DOCK3: variants seen among roughly 807,000 people sequenced by gnomAD.
The protein encoded by DOCK3 is dedicator of cytokinesis 3.
A neutral mutation model predicts 265.6 loss-of-function variants in DOCK3; 60 were observed. That is an observed-to-expected ratio of 0.23 (90% CI 0.18 to 0.28). The LOEUF is 0.28. DOCK3 is among the 10% of genes least tolerant of loss of function. The probability of loss-of-function intolerance (pLI) is 1.00; values close to 1 mark genes in which losing one functional copy is unlikely to be tolerated. For missense variants in DOCK3, 1,981 were observed against 2,594.3 expected (o/e 0.76, Z 5.14); for synonymous variants, 881 against 938.0 (o/e 0.94, Z 1.11).
In DOCK3 at chr3:50,675,231, C is replaced by G; in HGVS notation, c.-33C>G. On this transcript the variant is annotated 5_prime_UTR_variant, in exon 1 of 53. Transcript: ENST00000266037. The surrounding 1 kb of genome is among the most constrained non-coding windows in gnomAD (Gnocchi z 6.1). Reference sequence around the variant, plus strand: ...CGTCCCCGCCGCGTTGTCGCCCGGTCGCCGCGCCCGCGGGGCCGCGCCCGG... The same window carrying G: ...CGTCCCCGCCGCGTTGTCGCCCGGTGGCCGCGCCCGCGGGGCCGCGCCCGG... The G allele has an allele frequency of 8.7e-7, 1 of 1,153,208 alleles. No individual in the cohort carries two copies. The highest frequency in any genetic ancestry group is 4.9e-5 in the Admixed American group (1 of 20,258). The allele number at this position is 1,153,208 out of a possible 1,614,324, so 71.4% of individuals were successfully genotyped here.
chr3:51,200,744 G>A (rs1169380441), intron 12 of DOCK3, among the ~76,000 whole-genome samples: 1 of 152,012 alleles, frequency 6.6e-6, no homozygotes, highest in East Asian at 1.9e-4. Flanking sequence ...AAGTTGAAAT[G>A]AAGGAAAAAA....
chr3:51,380,282 T>G (rs1577001510), intron 52 of DOCK3, 75 bp downstream of exon 52: 1 of 1,383,778 alleles, frequency 7.2e-7, no homozygotes, highest in Non-Finnish European at 9.9e-7. Context: ...ACCCTTGGGG[T>G]CTACAGGAGG....
intron 5 of DOCK3, among the ~76,000 whole-genome samples, chr3:50,964,632 G>A (rs1159089119): frequency 1.3e-5 from 2 of 152,050 alleles, no homozygotes; most frequent in African/African-American, 2.4e-5. Flanking sequence ...CTAGCTGTGC[G>A]ACAACTTCAG....
chr3:50,948,192 G>T (rs764339400), intron 5 of DOCK3, among the ~76,000 whole-genome samples: 1 of 151,160 alleles, frequency 6.6e-6, no homozygotes, highest in African/African-American at 2.4e-5. Flanking sequence ...GAGTAGCTGG[G>T]ACTACAGGCG....
chr3:50,837,653 G>A (rs898029804), intron 2 of DOCK3, among the ~76,000 whole-genome samples: 1 of 152,154 alleles, frequency 6.6e-6, no homozygotes, highest in African/African-American at 2.4e-5. Context: ...GGAAGTGGGT[G>A]CGGGAAAACT....
At chr3:50,734,601 A>ATTTT (rs1559567444) in intron 1 of DOCK3, among the ~76,000 whole-genome samples, 6 of 39,468 alleles carry the variant, frequency 1.5e-4, no homozygotes, top group South Asian at 2.1e-3. Context: ...TTTTACAGTG[A>ATTTT]GTTTTTTTTT....
intron 12 of DOCK3, among the ~76,000 whole-genome samples, chr3:51,175,250 G>A (rs1257853545): frequency 6.6e-6 from 1 of 152,168 alleles, no homozygotes; most frequent in Non-Finnish European, 1.5e-5. Flanking sequence ...AGAGGGGCTA[G>A]AGGCAGGTTA....
chr3:51,318,394 A>G (rs1025396484), intron 32 of DOCK3, among the ~76,000 whole-genome samples: 1 of 152,176 alleles, frequency 6.6e-6, no homozygotes, highest in Non-Finnish European at 1.5e-5. Context: ...AATTATATAT[A>G]TATCAAATTG....
At chr3:50,920,599 C>G (rs936272749) in intron 4 of DOCK3, among the ~76,000 whole-genome samples, 1 of 152,136 alleles carries the variant, frequency 6.6e-6, no homozygotes. Flanking sequence ...GTGTTATCCC[C>G]TTTATCATTT....
At chr3:51,125,431 C>A (rs1375227728) in intron 9 of DOCK3, among the ~76,000 whole-genome samples, 1 of 152,032 alleles carries the variant, frequency 6.6e-6, no homozygotes, top group Non-Finnish European at 1.5e-5. Context: ...CTATATTTTT[C>A]TATTTCCTCT....
rs755531254 is a variant in DOCK3 at position 50,869,342 on chromosome 3, ATTTTTTTTTTT to A, written c.163-20646_163-20636del. On this transcript the variant is annotated intron_variant, in intron 3 of 52. Coordinates refer to ENST00000266037, the MANE Select transcript of DOCK3 (RefSeq NM_004947.5). ...TCAATTTTATTTATTTCTGCTGGGA[ATTTTTTTTTTT>A]TTTTTTTTTTTTTTTTTTTTTTTTT... 2.1e-4 allele frequency among the ~76,000 whole-genome samples: 15 copies of A among 70,106 alleles called. 4 individuals are homozygous for A. The highest frequency in any genetic ancestry group is 7.3e-4 in the African/African-American group (11 of 15,142). 46.0% of individuals were successfully genotyped at this position (70,106 alleles called of 152,430 possible). A position where few individuals can be genotyped will look rare whatever the true frequency, so the allele number is the denominator to read the frequency against.
intron 3 of DOCK3, among the ~76,000 whole-genome samples, chr3:50,870,930 A>G (rs1043827900): frequency 3.3e-5 from 5 of 151,714 alleles, no homozygotes; most frequent in Admixed American, 1.3e-4. Context: ...TCAACTTTTT[A>G]TTGTTTCTTT....
At chr3:51,183,894 A>G (rs2087443125) in intron 12 of DOCK3, among the ~76,000 whole-genome samples, 1 of 152,208 alleles carries the variant, frequency 6.6e-6, no homozygotes, top group African/African-American at 2.4e-5. Flanking sequence ...TCACATACAT[A>G]CATTAGTATA....
chr3:51,053,241 T>C (rs1234715067), intron 5 of DOCK3, among the ~76,000 whole-genome samples: 1 of 149,822 alleles, frequency 6.7e-6, no homozygotes, highest in Non-Finnish European at 1.5e-5. Context: ...CCCTCTTAGT[T>C]GTTTCTTCTG....
At chr3:50,744,664 G>A (rs1178982045) in intron 1 of DOCK3, among the ~76,000 whole-genome samples, 1 of 152,100 alleles carries the variant, frequency 6.6e-6, no homozygotes, top group Non-Finnish European at 1.5e-5. Flanking sequence ...TGAACTCCTG[G>A]GCTCAAGCGA....
chr3:51,199,810 C>T (rs1243281518), intron 12 of DOCK3, among the ~76,000 whole-genome samples: 5 of 152,274 alleles, frequency 3.3e-5, no homozygotes, highest in Non-Finnish European at 5.9e-5. Context: ...ACACCTCACA[C>T]GGCCAGGTAC....
At chr3:51,087,352 A>G (rs1455361808) in intron 7 of DOCK3, among the ~76,000 whole-genome samples, 1 of 152,258 alleles carries the variant, frequency 6.6e-6, no homozygotes, top group Non-Finnish European at 1.5e-5. Context: ...AATCAGTGTG[A>G]TACATCACAT....
intron 5 of DOCK3, among the ~76,000 whole-genome samples, chr3:51,062,237 G>T (rs2081435458): frequency 6.6e-6 from 1 of 152,088 alleles, no homozygotes; most frequent in Non-Finnish European, 1.5e-5. Flanking sequence ...ATCTTGCTTA[G>T]AATAAAAGCC....
At chr3:51,348,779 C>G (rs374091295) in intron 38 of DOCK3, 73 bp from the exon 39 acceptor site, 15 of 1,442,326 alleles carry the variant, frequency 1.0e-5, no homozygotes, top group South Asian at 4.9e-5. Context: ...TGTGTGTCTT[C>G]TGATGTGTTT....
Sources: gnomAD v4.1 joint callset for allele counts (sites outside exome capture counted in the v4.1 genomes callset) on GRCh38, gnomAD v4.1.1 for gene constraint, Gnocchi (gnomAD v3.1) non-coding constraint, MANE v1.5 for transcripts, NCBI Gene and HGNC (gene_info 2026-07-23, HGNC 2026-07-21) for gene names.